The following CCNY variants were observed in gnomAD, a reference collection of about 807,000 sequenced individuals.
CCNY encodes cyclin Y, also known as cyclin-Y.
In CCNY, 19 loss-of-function variants were observed where a neutral mutation model predicts 42.8. That is an observed-to-expected ratio of 0.44 (90% CI 0.31 to 0.65). CCNY has a LOEUF of 0.65. Ranked by LOEUF, CCNY falls within the 30% of genes least tolerant of loss-of-function variation. The pLI, the probability that CCNY is intolerant of heterozygous loss-of-function variation, is 0.07. For missense variants in CCNY, 370 were observed against 437.3 expected (o/e 0.85, Z 1.37); for synonymous variants, 165 against 162.7 (o/e 1.01, Z -0.11).
At chr10:35,504,710 C>T (rs1840179223) in intron 3 of CCNY, among the ~76,000 whole-genome samples, 1 of 152,150 alleles carries the variant, frequency 6.6e-6, no homozygotes, top group African/African-American at 2.4e-5. Flanking sequence ...GATCTTGGCT[C>T]ACTGCAACCT....
chr10:35,504,785 C>A (rs568045318), intron 3 of CCNY, among the ~76,000 whole-genome samples: 1 of 151,972 alleles, frequency 6.6e-6, no homozygotes, highest in Non-Finnish European at 1.5e-5. Flanking sequence ...TAAAAGCATG[C>A]GCCACCATAC....
At chr10:35,308,383 T>A (rs1450792911) in intron 3 of CCNY, among the ~76,000 whole-genome samples, 2 of 151,916 alleles carry the variant, frequency 1.3e-5, no homozygotes, top group African/African-American at 4.8e-5. Flanking sequence ...TGAGACTCCA[T>A]CTCAACTAAA....
chr10:35,460,274 C>T (rs1304632043), intron 1 of CCNY, among the ~76,000 whole-genome samples: 1 of 152,222 alleles, frequency 6.6e-6, no homozygotes, highest in Non-Finnish European at 1.5e-5. Context: ...AGAATCAACT[C>T]ACTGTAGGCA....
intron 1 of CCNY, among the ~76,000 whole-genome samples, chr10:35,428,407 A>C (rs1268312898): frequency 6.6e-6 from 1 of 152,248 alleles, no homozygotes; most frequent in Non-Finnish European, 1.5e-5. Flanking sequence ...TGTTGTTGCC[A>C]TCCAGGAACT....
chr10:35,410,100 T>C (rs73266737), intron 1 of CCNY, among the ~76,000 whole-genome samples: 2,806 of 152,220 alleles, frequency 0.018, 76 homozygotes, highest in African/African-American at 0.059. Flanking sequence ...AGGAAAAATA[T>C]CAACCTTGTC....
rs148629389 is a variant in CCNY, at chr10:35,471,384, T to C, written c.155-12020T>C. On this transcript the variant is annotated intron_variant, in intron 1 of 9. Transcript: ENST00000374704. ...TTTTACTAGTTTTTCAGACCATTAA[T>C]GATAGCTTATGATGGCTGCTTTTCT... 4.8e-3 allele frequency among the ~76,000 whole-genome samples: 726 copies of C among 152,302 alleles called. 2 individuals are homozygous for C. Among genetic ancestry groups the C allele is most frequent in the Non-Finnish European group, 7.5e-3 (509 of 68,024 alleles).
chr10:35,569,564 G>A lies in CCNY; in HGVS notation c.*394G>A, dbSNP rs938315237. On this transcript the variant is annotated 3_prime_UTR_variant, in exon 10 of 10. Transcript: ENST00000374704. ...GCAGAGCTGGCTGCACCCAGGGCTGGGCCAGTGTGTCCTGTAAGACTTCTT... is the reference window on the plus strand; with the variant it reads ...GCAGAGCTGGCTGCACCCAGGGCTGAGCCAGTGTGTCCTGTAAGACTTCTT... 1 of 234,476 alleles carries A rather than the reference G, an allele frequency of 4.3e-6. No homozygotes were observed. The highest frequency in any genetic ancestry group is 2.2e-5 in the African/African-American group (1 of 45,092). 14.5% of individuals were successfully genotyped at this position (234,476 alleles called of 1,614,324 possible).
intron 1 of CCNY, among the ~76,000 whole-genome samples, chr10:35,448,377 T>C (rs1300587302): frequency 1.3e-5 from 2 of 152,174 alleles, no homozygotes; most frequent in African/African-American, 4.8e-5. Context: ...GAATGCGAAT[T>C]CCCATTACTT....
chr10:35,557,965 A>G (rs1225211261), intron 8 of CCNY, among the ~76,000 whole-genome samples: 2 of 152,140 alleles, frequency 1.3e-5, no homozygotes, highest in African/African-American at 4.8e-5. Flanking sequence ...TGTTCAGATG[A>G]GTAGGTGAAA....
intron 1 of CCNY, among the ~76,000 whole-genome samples, chr10:35,479,973 C>G (rs1167950138): frequency 2.0e-5 from 3 of 151,346 alleles, no homozygotes; most frequent in African/African-American, 4.9e-5. Flanking sequence ...TGCTTGGCTT[C>G]TGAGAATGGT....
chr10:35,456,991 AG>A (rs1249407969), intron 1 of CCNY, among the ~76,000 whole-genome samples: 1 of 152,214 alleles, frequency 6.6e-6, no homozygotes, highest in Non-Finnish European at 1.5e-5. Flanking sequence ...ATGTGATTCA[AG>A]TAGTGAACCA....
chr10:35,300,072 C>G (rs1240260604), intron 3 of CCNY, among the ~76,000 whole-genome samples: 1 of 152,202 alleles, frequency 6.6e-6, no homozygotes, highest in Non-Finnish European at 1.5e-5. Flanking sequence ...GAACATCTCT[C>G]AGATCTCTGG....
chr10:35,539,508 G>T (rs916234454), intron 7 of CCNY, among the ~76,000 whole-genome samples: 1 of 152,098 alleles, frequency 6.6e-6, no homozygotes, highest in Non-Finnish European at 1.5e-5. Flanking sequence ...ATTCCTAGGG[G>T]CAGGGTGCAG....
intron 1 of CCNY, among the ~76,000 whole-genome samples, chr10:35,424,650 A>G (rs1315041248): frequency 2.0e-5 from 3 of 152,192 alleles, no homozygotes; most frequent in African/African-American, 7.2e-5. Context: ...CATGTCTGAT[A>G]CTATTAAGTG....
chr10:35,275,022 C>A (rs965909034), intron 3 of CCNY, among the ~76,000 whole-genome samples: 1 of 138,868 alleles, frequency 7.2e-6, no homozygotes, highest in African/African-American at 2.7e-5. Context: ...GGTGGCATTG[C>A]GTTCTAGGTA....
Position 35,529,994 on chromosome 10 carries a change from C to T in CCNY, c.423C>T (p.Leu141=). Residue 141 remains leucine (L), a synonymous_variant, in exon 6 of 10, where the codon CTC becomes CTT. Coordinates refer to ENST00000374704, the MANE Select transcript of CCNY (RefSeq NM_145012.6). ...IKNRDPDGRM[L]LDIFDENLHP... ...CCAGGGACCCAGATGGAAGGATGCTCTTAGATATTTTTGATGAAAATCTTC... is the reference window on the plus strand; with the variant it reads ...CCAGGGACCCAGATGGAAGGATGCTTTTAGATATTTTTGATGAAAATCTTC... 6.2e-7 allele frequency: 1 copy of T among 1,613,966 alleles called. No homozygotes were observed. Among genetic ancestry groups the T allele is most frequent in the Non-Finnish European group, 8.5e-7 (1 of 1,179,904 alleles).
intron 3 of CCNY, among the ~76,000 whole-genome samples, chr10:35,256,744 T>TAAA (rs199594072): frequency 9.3e-6 from 1 of 107,608 alleles, no homozygotes; most frequent in East Asian, 2.6e-4. Context: ...AATAAAACAT[T>TAAA]AAAAAAAAAA....
chr10:35,558,055 C>G (rs925805192), intron 8 of CCNY, among the ~76,000 whole-genome samples: 2 of 152,192 alleles, frequency 1.3e-5, no homozygotes, highest in African/African-American at 4.8e-5. Flanking sequence ...ACACAGCCAT[C>G]TATTAGTAAA....
At chr10:35,505,377 C>T (rs1840195213) in intron 3 of CCNY, among the ~76,000 whole-genome samples, 2 of 151,036 alleles carry the variant, frequency 1.3e-5, no homozygotes, top group African/African-American at 4.9e-5. Flanking sequence ...GAAAGCCAGA[C>T]TGGGAATTCT....
Sources: allele counts gnomAD v4.1 joint callset (sites outside exome capture counted in the v4.1 genomes callset), GRCh38; gene constraint gnomAD v4.1.1; transcripts MANE v1.5; gene names NCBI Gene and HGNC (gene_info 2026-07-23, HGNC 2026-07-21).